Variants in RERG observed in about 807,000 individuals in gnomAD.
The protein encoded by RERG is ras-related and estrogen-regulated growth inhibitor.
Under a neutral mutation model 23.2 loss-of-function variants are expected in RERG, and 25 were observed. The ratio of observed to expected loss-of-function variants is 1.08; its 90% CI spans 0.79 to 1.50. RERG has a LOEUF of 1.50. Among genes scored for constraint, RERG ranks in the 40% most tolerant of loss-of-function variants. RERG has a pLI of 0.00. For missense variants in RERG, 253 were observed against 250.1 expected, an observed-to-expected ratio of 1.01 and a Z score of -0.08; for synonymous variants, 81 against 89.1, an observed-to-expected ratio of 0.91 and a Z score of 0.51.
At chr12:15,204,048 T>C (rs1169470209) in intron 2 of RERG, among the ~76,000 whole-genome samples, 1 of 151,676 alleles carries the variant, frequency 6.6e-6, no homozygotes, top group Non-Finnish European at 1.5e-5. Flanking sequence ...AGTTTCTATT[T>C]CTTACAGAAA....
At chr12:15,135,022 C>T (rs895652005) in intron 2 of RERG, among the ~76,000 whole-genome samples, 4 of 152,160 alleles carry the variant, frequency 2.6e-5, no homozygotes, top group Non-Finnish European at 4.4e-5. Flanking sequence ...GACATCTTGA[C>T]AATACTGATT....
At chr12:15,205,063 T>C (rs562774665) in intron 2 of RERG, among the ~76,000 whole-genome samples, 2 of 151,956 alleles carry the variant, frequency 1.3e-5, no homozygotes, top group East Asian at 3.9e-4. Flanking sequence ...GAACTCTCTA[T>C]TATTTTTGCA....
At chr12:15,121,449 G>C (rs1027494265) in intron 2 of RERG, among the ~76,000 whole-genome samples, 2 of 152,082 alleles carry the variant, frequency 1.3e-5, no homozygotes, top group Non-Finnish European at 2.9e-5. Flanking sequence ...GATGAATTTA[G>C]ATATAAAAGG....
intron 2 of RERG, among the ~76,000 whole-genome samples, chr12:15,203,422 G>A (rs1865243792): frequency 6.6e-6 from 1 of 151,562 alleles, no homozygotes; most frequent in Non-Finnish European, 1.5e-5. Flanking sequence ...GAAGGAATGT[G>A]CCTCAGTGTA....
At chr12:15,116,357 A>T (rs1037055313) in intron 3 of RERG, among the ~76,000 whole-genome samples, 1 of 152,202 alleles carries the variant, frequency 6.6e-6, no homozygotes, top group African/African-American at 2.4e-5. Flanking sequence ...ATCTCTTTGC[A>T]CTAAAAGTTG....
At chr12:15,163,678 C>T (rs1038444721) in intron 2 of RERG, among the ~76,000 whole-genome samples, 1 of 152,100 alleles carries the variant, frequency 6.6e-6, no homozygotes, top group Non-Finnish European at 1.5e-5. Context: ...TGGAAGGCAA[C>T]AGGAGAAAAC....
At chr12:15,148,878 T>G (rs1422296799) in intron 2 of RERG, among the ~76,000 whole-genome samples, 1 of 112,310 alleles carries the variant, frequency 8.9e-6, no homozygotes, top group African/African-American at 4.2e-5. Context: ...TTTTTTTTTT[T>G]TTTTTTTTTA....
chr12:15,190,401 G>T (rs1290273507), intron 2 of RERG, among the ~76,000 whole-genome samples: 1 of 152,164 alleles, frequency 6.6e-6, no homozygotes, highest in African/African-American at 2.4e-5. Flanking sequence ...TGGGCTATAT[G>T]CTGTGCACAG....
chr12:15,187,339 A>C (rs1018857784), intron 2 of RERG, among the ~76,000 whole-genome samples: 1 of 152,156 alleles, frequency 6.6e-6, no homozygotes, highest in Non-Finnish European at 1.5e-5. Context: ...AACTATATTA[A>C]TACAAACTAA....
chr12:15,186,609 A>G (rs117772953), intron 2 of RERG, among the ~76,000 whole-genome samples: 2,447 of 152,228 alleles, frequency 0.016, 40 homozygotes, highest in South Asian at 0.035. Flanking sequence ...GAGGAAGTGA[A>G]AAAGGAGGAG....
intron 2 of RERG, among the ~76,000 whole-genome samples, chr12:15,133,209 T>C (rs1375220019): frequency 1.4e-5 from 2 of 148,142 alleles, no homozygotes; most frequent in Non-Finnish European, 3.0e-5. Flanking sequence ...TGTAGAACAG[T>C]TTCACTGTCT....
At chr12:15,113,557 T>C (rs1591632000) in intron 3 of RERG, among the ~76,000 whole-genome samples, 1 of 152,136 alleles carries the variant, frequency 6.6e-6, no homozygotes, top group East Asian at 1.9e-4. Flanking sequence ...CATTCTTCTG[T>C]ATCAGCAAAA....
chr12:15,171,288 A>G (rs1355031831), intron 2 of RERG, among the ~76,000 whole-genome samples: 1 of 152,216 alleles, frequency 6.6e-6, no homozygotes, highest in African/African-American at 2.4e-5. Context: ...CCCACATATC[A>G]GAACCTTGAA....
chr12:15,202,550 G>T (rs745929041), intron 2 of RERG, among the ~76,000 whole-genome samples: 17 of 151,728 alleles, frequency 1.1e-4, no homozygotes, highest in South Asian at 1.0e-3. Context: ...TGAAGTATTT[G>T]TCCTTCTGTG....
At chr12:15,169,145 AG>A (rs1864737799) in intron 2 of RERG, among the ~76,000 whole-genome samples, 1 of 152,212 alleles carries the variant, frequency 6.6e-6, no homozygotes. Context: ...AAGATCGAGG[AG>A]GTGAAGTTTA....
At chr12:15,194,749 C>T (rs1865119363) in intron 2 of RERG, among the ~76,000 whole-genome samples, 1 of 152,204 alleles carries the variant, frequency 6.6e-6, no homozygotes, top group East Asian at 1.9e-4. Context: ...ATTTTTCACC[C>T]TCTGGTTGCT....
rs1863563244 is a variant in RERG, at chr12:15,109,479, C to T, written c.231G>A (p.Gly77=). Residue 77 remains glycine (G), a synonymous_variant, in exon 5 of 5, where the codon GGG becomes GGA. Coordinates refer to ENST00000256953, the MANE Select transcript of RERG (RefSeq NM_032918.3). ...TIQREGHMRW[G]EGFVLVYDIT... is the part of the protein sequence containing the mutation. Reference sequence around the variant, plus strand: ...TGTCGTAGACCAGCACAAAGCCTTCCCCCCATCGCATGTGCCCCTCCCTCT... The same window carrying T: ...TGTCGTAGACCAGCACAAAGCCTTCTCCCCATCGCATGTGCCCCTCCCTCT... 6.2e-7 allele frequency: 1 copy of T among 1,611,970 alleles called. No individual in the cohort carries two copies.
intron 4 of RERG, 53 bp downstream of exon 4, chr12:15,111,291 T>C (rs765196112): frequency 2.8e-6 from 4 of 1,415,984 alleles, no homozygotes; most frequent in Non-Finnish European, 3.9e-6. Flanking sequence ...ATAGCATAGA[T>C]TTCTCAGTTT....
Position 15,196,807 on chromosome 12 carries a change from A to G in RERG, c.61+20622T>C, listed in dbSNP as rs542135835. ...GGAAAGGCTATTCTTAAGCATTCAT[A>G]GCAGTTTATATTTTTACAAATGTTG... is the stretch of plus-strand genomic sequence containing the variant. On this transcript the variant is annotated intron_variant, in intron 2 of 4. Coordinates refer to ENST00000256953, the MANE Select transcript of RERG (RefSeq NM_032918.3). Among the ~76,000 whole-genome samples the G allele has an allele frequency of 1.1e-4, 16 of 152,284 alleles. No homozygotes were observed. The East Asian group carries it at 2.9e-3, about 28-fold the overall frequency.
Sources: gnomAD v4.1 joint callset for allele counts (sites outside exome capture counted in the v4.1 genomes callset) on GRCh38, gnomAD v4.1.1 for gene constraint, MANE v1.5 for transcripts, NCBI Gene and HGNC (gene_info 2026-07-23, HGNC 2026-07-21) for gene names.